The following MIS18A variants were observed in gnomAD, a reference collection of about 807,000 sequenced individuals.
MIS18A encodes MIS18 kinetochore protein A.
Under a neutral mutation model 25.0 loss-of-function variants are expected in MIS18A, and 14 were observed. The observed-to-expected ratio is 0.56, with a 90% CI of 0.37 to 0.88. MIS18A has a LOEUF of 0.88. Ranked by LOEUF, MIS18A falls within the 40% of genes least tolerant of loss-of-function variation. The probability of loss-of-function intolerance (pLI) is 0.00; values close to 1 mark genes in which losing one functional copy is unlikely to be tolerated. For missense variants in MIS18A, 292 were observed against 290.8 expected, an observed-to-expected ratio of 1.00 and a Z score of -0.03; for synonymous variants, 134 against 118.6, an observed-to-expected ratio of 1.13 and a Z score of -0.84.
the MIS18A span, among the ~76,000 whole-genome samples, chr21:32,211,547 G>A: frequency 6.6e-6 from 1 of 152,176 alleles, no homozygotes; most frequent in Non-Finnish European, 1.5e-5. Context: ...TTATGATTCT[G>A]TTTCCAAGAT....
intron 2 of MIS18A, among the ~76,000 whole-genome samples, chr21:32,272,911 C>G (rs541565761): frequency 1.8e-4 from 27 of 152,272 alleles, no homozygotes; most frequent in Non-Finnish European, 2.9e-4. Flanking sequence ...CAAGCATCAT[C>G]CTAGCTCTTA....
intron 2 of MIS18A, among the ~76,000 whole-genome samples, chr21:32,273,336 T>C (rs1482072849): frequency 6.6e-6 from 1 of 152,052 alleles, no homozygotes; most frequent in African/African-American, 2.4e-5. Flanking sequence ...CTGCCCTCGA[T>C]GGAGGTAGGA....
the MIS18A span, among the ~76,000 whole-genome samples, chr21:32,229,058 T>C: frequency 6.6e-6 from 1 of 152,228 alleles, no homozygotes; most frequent in Non-Finnish European, 1.5e-5. Flanking sequence ...ATGTTATGTA[T>C]TAAATGTATC....
the MIS18A span, among the ~76,000 whole-genome samples, chr21:32,161,476 TTTTG>T: frequency 7.6e-4 from 114 of 150,560 alleles, no homozygotes; most frequent in African/African-American, 2.0e-3. Context: ...GAAGCTTGTT[TTTTG>T]TTTGTTTGTT....
chr21:32,240,945 T>C, the MIS18A span, among the ~76,000 whole-genome samples: 1 of 152,228 alleles, frequency 6.6e-6, no homozygotes, highest in Non-Finnish European at 1.5e-5. Flanking sequence ...TCATGGCTCA[T>C]GTCTGGGAGA....
At position 32,279,046 on chromosome 21, in the gene MIS18A, A is replaced by G. The variant is rs2031883568; in HGVS notation, c.-32T>C. 2.0e-6 allele frequency: 3 copies of G among 1,536,634 alleles called. No homozygotes were observed. The highest frequency in any genetic ancestry group is 1.2e-5 in the South Asian group (1 of 86,376). ...CAAATCGCCCGCGCCCCAGAGCGCC[A>G]TGGGAAAAAAAACCGCCGCTGCTCA... On this transcript the variant is annotated 5_prime_UTR_variant, in exon 1 of 5. The change abolishes an upstream ATG in the 5' untranslated region. Coordinates refer to ENST00000290130, the MANE Select transcript of MIS18A (RefSeq NM_018944.3).
chr21:32,274,706 G>C, intron 2 of MIS18A, 124 bp downstream of exon 2: 2 of 741,010 alleles, frequency 2.7e-6, no homozygotes, highest in Non-Finnish European at 4.5e-6. Flanking sequence ...ATATGCGAAC[G>C]ACTGATTTTT....
Position 32,269,703 on chromosome 21 carries a change from T to C in MIS18A, c.621+4A>G, listed in dbSNP as rs774972254. On this transcript the variant is annotated splice_donor_region_variant and intron_variant, in intron 4 of 4. Transcript: ENST00000290130. The stretch of plus-strand genomic sequence containing the variant: ...AAGATATAAAATGTACAGAATAAAA[T>C]TACCTGTGTTAGAGACTTTTCTATT... 2.6e-6 allele frequency: 4 copies of C among 1,514,822 alleles called. No homozygotes were observed. The highest frequency in any genetic ancestry group is 2.3e-5 in the East Asian group (1 of 44,388). The allele number at this position is 1,514,822 out of a possible 1,614,324, so 93.8% of individuals were successfully genotyped here. A position where few individuals can be genotyped will look rare whatever the true frequency, so the allele number is the denominator to read the frequency against.
At chr21:32,160,616 A>G in the MIS18A span, among the ~76,000 whole-genome samples, 2 of 151,702 alleles carry the variant, frequency 1.3e-5, no homozygotes, top group South Asian at 2.1e-4. Flanking sequence ...GGGAGCTTCC[A>G]TTCCAGGTAG....
At chr21:32,165,948 G>T in the MIS18A span, among the ~76,000 whole-genome samples, 1 of 152,118 alleles carries the variant, frequency 6.6e-6, no homozygotes, top group South Asian at 2.1e-4. Context: ...CTAGTGAACA[G>T]GCATTATCAC....
chr21:32,255,751 C>T, the MIS18A span, among the ~76,000 whole-genome samples: 1 of 151,722 alleles, frequency 6.6e-6, no homozygotes, highest in African/African-American at 2.4e-5. Context: ...ATTAGCCAGG[C>T]GTGGCGGTGT....
chr21:32,179,793 T>C, the MIS18A span, among the ~76,000 whole-genome samples: 1 of 152,158 alleles, frequency 6.6e-6, no homozygotes, highest in South Asian at 2.1e-4. Flanking sequence ...TGTCACTCAC[T>C]AAGGAATGTG....
chr21:32,270,223 T>G (rs1364143952), intron 3 of MIS18A, among the ~76,000 whole-genome samples, 184 bp downstream of exon 3: 5 of 151,192 alleles, frequency 3.3e-5, no homozygotes, highest in African/African-American at 1.2e-4. Flanking sequence ...ATTTAGAGTG[T>G]CTGACTTTTC....
chr21:32,183,155 C>T, the MIS18A span, among the ~76,000 whole-genome samples: 1 of 152,224 alleles, frequency 6.6e-6, no homozygotes, highest in Admixed American at 6.5e-5. Flanking sequence ...CTTGTACTCA[C>T]ACACACCAAC....
the MIS18A span, among the ~76,000 whole-genome samples, chr21:32,164,950 A>G: frequency 6.6e-6 from 1 of 152,250 alleles, no homozygotes; most frequent in African/African-American, 2.4e-5. Context: ...GGTCACTACT[A>G]CATATCAATA....
At chr21:32,156,767 A>C in the MIS18A span, among the ~76,000 whole-genome samples, 1 of 152,002 alleles carries the variant, frequency 6.6e-6, no homozygotes, top group African/African-American at 2.4e-5. Flanking sequence ...AGATTTGATA[A>C]GGCTTCTTAA....
At chr21:32,204,521 A>G in the MIS18A span, among the ~76,000 whole-genome samples, 3 of 151,748 alleles carry the variant, frequency 2.0e-5, no homozygotes, top group Admixed American at 2.0e-4. Context: ...AAAGAAAAAA[A>G]GGAAGCAATT....
chr21:32,220,018 C>T, the MIS18A span, among the ~76,000 whole-genome samples: 1 of 152,202 alleles, frequency 6.6e-6, no homozygotes, highest in Non-Finnish European at 1.5e-5. Context: ...TGGGACAGAC[C>T]ACCTGGGGGA....
chr21:32,250,020 C>A, the MIS18A span, among the ~76,000 whole-genome samples: 1 of 152,128 alleles, frequency 6.6e-6, no homozygotes, highest in Non-Finnish European at 1.5e-5. Context: ...ACAGCTGCCT[C>A]CTGAGAGAAA....
Sources: gnomAD v4.1 joint callset for allele counts (sites outside exome capture counted in the v4.1 genomes callset) on GRCh38, gnomAD v4.1.1 for gene constraint, MANE v1.5 for transcripts, NCBI Gene and HGNC (gene_info 2026-07-23, HGNC 2026-07-21) for gene names.